The following NBPF20 variants were observed in gnomAD, a reference collection of about 807,000 sequenced individuals.
NBPF20 encodes the protein NBPF family member NBPF20.
A neutral mutation model predicts 68.1 loss-of-function variants in NBPF20; 90 were observed. That is an observed-to-expected ratio of 1.32 (90% CI 1.11 to 1.58). The LOEUF (loss-of-function observed/expected upper bound fraction) is 1.58, where lower values mean the gene tolerates loss of function less well. NBPF20 is among the 40% of genes most tolerant of loss of function. The pLI is 0.00. For missense variants in NBPF20, 816 were observed against 601.2 expected (o/e 1.36, Z -3.74); for synonymous variants, 290 against 228.1 (o/e 1.27, Z -2.45).
chr1:145,407,510 C>T (rs1387322484), upstream of NBPF20, among the ~76,000 whole-genome samples: 2 of 143,288 alleles, frequency 1.4e-5, no homozygotes, highest in East Asian at 2.0e-4. Flanking sequence ...AATATATATA[C>T]GTGTATATAC....
chr1:145,366,228 A>G, exon 44 of NBPF20: 7 of 100,158 alleles, frequency 7.0e-5, no homozygotes, highest in East Asian at 6.1e-4. Flanking sequence ...AATGCATAAA[A>G]GGAACTTCCA....
chr1:145,411,645 C>G, the NBPF20 span, among the ~76,000 whole-genome samples: 1 of 102,956 alleles, frequency 9.7e-6, no homozygotes, highest in Non-Finnish European at 2.0e-5. Flanking sequence ...CCACCTCGGC[C>G]TCCCAAAGTG....
intron 137 of NBPF20, among the ~76,000 whole-genome samples, chr1:145,292,137 T>A (rs1553658003): frequency 1.3e-5 from 2 of 149,790 alleles, no homozygotes; most frequent in African/African-American, 5.1e-5. Context: ...ATGCTCAAAA[T>A]TCGATGCAGT....
the NBPF20 span, among the ~76,000 whole-genome samples, chr1:145,410,749 T>C: frequency 8.5e-5 from 12 of 141,774 alleles, no homozygotes; most frequent in East Asian, 6.1e-4. Context: ...TATATATATA[T>C]ACATATATAT....
intron 9 of NBPF20, 43 bp from the exon 15 acceptor site, chr1:145,393,289 A>T: frequency 1.5e-6 from 1 of 669,166 alleles, no homozygotes; most frequent in Non-Finnish European, 2.7e-6. Flanking sequence ...AGGGGGAATC[A>T]GAAACCACAC....
At chr1:145,291,503 T>C (rs782364082) in exon 138 of NBPF20, 12 of 1,611,880 alleles carry the variant, frequency 7.4e-6, no homozygotes, top group Admixed American at 3.3e-5. Context: ...AGGAATGACA[T>C]CTCTCGGCTT....
At chr1:145,410,957 A>G in the NBPF20 span, among the ~76,000 whole-genome samples, 1 of 142,994 alleles carries the variant, frequency 7.0e-6, no homozygotes, top group Non-Finnish European at 1.5e-5. Context: ...TCAATTAGAC[A>G]TACATGTGAG....
chr1:145,394,575 G>T (rs1383384344), intron 8 of NBPF20, among the ~76,000 whole-genome samples: 1 of 152,134 alleles, frequency 6.6e-6, no homozygotes, highest in East Asian at 1.9e-4. Flanking sequence ...CCTTGGGCGG[G>T]TAAAGAACCA....
rs2101579013 is a variant in NBPF20, at chr1:145,402,397, A to G, written c.279-16T>C. The G allele has an allele frequency of 3.1e-6, 5 of 1,602,694 alleles. No homozygotes were observed. Among genetic ancestry groups the G allele is most frequent in the East Asian group, 4.5e-5 (2 of 44,810 alleles). The stretch of plus-strand genomic sequence containing the variant: ...TTTATATTGCCTAAGGTGAGACGGT[A>G]GAGAAAATTTAAGAGTGGAAAGGTT... On this transcript the variant is annotated splice_polypyrimidine_tract_variant and intron_variant, in intron 3 of 137. Transcript: ENST00000369373.
chr1:145,405,231 C>A (rs587612238), exon 2 of NBPF20: 2 of 1,610,826 alleles, frequency 1.2e-6, no homozygotes, highest in South Asian at 2.2e-5. Context: ...GAATGTTCAT[C>A]TCTGCCTTCT....
At chr1:145,399,368 C>CA (rs1303215516) in intron 6 of NBPF20, among the ~76,000 whole-genome samples, 7 of 151,850 alleles carry the variant, frequency 4.6e-5, no homozygotes, top group African/African-American at 1.5e-4. Context: ...ATTTTTTCCC[C>CA]AAAAAAATCT....
Position 145,291,393 on chromosome 1 carries a change from A to T in NBPF20, c.*133T>A. On this transcript the variant is annotated 3_prime_UTR_variant, in exon 138 of 138. Transcript: ENST00000369373. ...AGGTTGCCACTGGCATGGTTTGAGA[A>T]TAGGAATACAGCCATGCCCACTGAC... 8 of 1,580,936 alleles carry T rather than the reference A, an allele frequency of 5.1e-6. No homozygotes were observed. In the South Asian group the frequency reaches 8.3e-5, roughly 16 times the overall value.
chr1:145,415,316 G>C, the NBPF20 span, among the ~76,000 whole-genome samples: 62 of 151,978 alleles, frequency 4.1e-4, no homozygotes, highest in South Asian at 8.4e-4. Flanking sequence ...GCTTTACACC[G>C]AGACATTCCA....
exon 137 of NBPF20, chr1:145,292,414 T>C (rs782677484): frequency 7.2e-6 from 5 of 692,688 alleles, no homozygotes; most frequent in African/African-American, 2.0e-5. Flanking sequence ...TTCTTCCCCT[T>C]CTTTTCTTCC....
At chr1:145,407,578 T>A (rs1327968359), upstream of NBPF20, among the ~76,000 whole-genome samples, 1 of 146,522 alleles carries the variant, frequency 6.8e-6, no homozygotes, top group Non-Finnish European at 1.5e-5. Context: ...AACACGTGTA[T>A]ATATATATTA....
At chr1:145,393,355 A>C in intron 9 of NBPF20, 109 bp from the exon 15 acceptor site, 1 of 706,764 alleles carries the variant, frequency 1.4e-6, no homozygotes, top group Non-Finnish European at 2.6e-6. Flanking sequence ...GAAAAAGGAC[A>C]GATCCATTAA....
intron 6 of NBPF20, 105 bp downstream of exon 11, chr1:145,400,284 T>A (rs1218175562): frequency 6.3e-7 from 1 of 1,591,604 alleles, no homozygotes; most frequent in Non-Finnish European, 8.6e-7. Context: ...TAGAAACCCA[T>A]CACAGTTTTT....
At position 145,295,130 on chromosome 1, in the gene NBPF20, A is replaced by G; in HGVS notation, c.16191-176T>C. 4.8e-6 allele frequency: 3 copies of G among 628,440 alleles called. No individual in the cohort carries two copies. In the South Asian group the frequency reaches 5.4e-5, roughly 11 times the overall value. 38.9% of individuals were successfully genotyped at this position (628,440 alleles called of 1,614,324 possible). A position where few individuals can be genotyped will look rare whatever the true frequency, so the allele number is the denominator to read the frequency against. ...ATAGACCAGGGCCAGGTAGAAAAGAATGAAAGAGAAAGACAGGGAGAGGGA... is the reference window on the plus strand; with the variant it reads ...ATAGACCAGGGCCAGGTAGAAAAGAGTGAAAGAGAAAGACAGGGAGAGGGA... On this transcript the variant is annotated intron_variant, in intron 133 of 137. Transcript: ENST00000369373.
chr1:145,400,213 G>A (rs1164805558), intron 6 of NBPF20, among the ~76,000 whole-genome samples, 176 bp downstream of exon 11: 3 of 152,158 alleles, frequency 2.0e-5, no homozygotes, highest in African/African-American at 4.8e-5. Context: ...TGATACTGGG[G>A]ACTGGCAGAC....
Sources: allele counts gnomAD v4.1 joint callset (sites outside exome capture counted in the v4.1 genomes callset), GRCh38; gene constraint gnomAD v4.1.1; transcripts MANE v1.5; gene names NCBI Gene and HGNC (gene_info 2026-07-23, HGNC 2026-07-21).